RAD50: variants seen among roughly 807,000 people sequenced by gnomAD.
RAD50 encodes DNA repair protein RAD50.
RAD50 carries 132 observed loss-of-function variants against 168.8 expected under a neutral mutation model. The ratio of observed to expected loss-of-function variants is 0.78; its 90% confidence interval spans 0.68 to 0.90. The LOEUF (loss-of-function observed/expected upper bound fraction) is 0.90. Ranked by LOEUF, RAD50 falls within the 40% of genes least tolerant of loss-of-function variation. RAD50 has a pLI of 0.00. For missense variants in RAD50, 1,347 were observed against 1,534.4 expected (o/e 0.88, Z 2.04); for synonymous variants, 525 against 497.4 (o/e 1.06, Z -0.74).
intron 21 of RAD50, among the ~76,000 whole-genome samples, chr5:132,631,630 T>TA (rs1369373328): frequency 6.6e-6 from 1 of 152,218 alleles, no homozygotes; most frequent in Non-Finnish European, 1.5e-5. Flanking sequence ...TTCTGTAAGT[T>TA]ATTTGATGTT....
chr5:132,576,600 G>C (rs1052597305), intron 3 of RAD50, among the ~76,000 whole-genome samples: 1 of 152,124 alleles, frequency 6.6e-6, no homozygotes, highest in Non-Finnish European at 1.5e-5. Context: ...TCTCAAGCAG[G>C]TTTTCATCAT....
At position 132,640,695 on chromosome 5, in the gene RAD50, C is replaced by T. The variant is rs752662569; in HGVS notation, c.3642C>T (p.Arg1214=). The T allele has an allele frequency of 6.8e-6, 11 of 1,614,210 alleles. No homozygotes were observed. Among genetic ancestry groups the T allele is most frequent in the East Asian group, 4.5e-5 (2 of 44,894 alleles). ...AGGTATTAGCCTCACTCATCATTCG[C>T]CTGGCCCTGGCTGAAACGTTCTGCC... The part of the protein sequence containing the change: ...GQKVLASLII[R]LALAETFCLN... Residue 1214 remains arginine, a synonymous_variant, in exon 24 of 25, where the codon CGC becomes CGT. Coordinates refer to ENST00000378823, the MANE Select transcript of RAD50 (RefSeq NM_005732.4).
At chr5:132,629,552 AT>A (rs749388269) in intron 21 of RAD50, among the ~76,000 whole-genome samples, 14 of 152,202 alleles carry the variant, frequency 9.2e-5, no homozygotes, top group Non-Finnish European at 1.3e-4. Flanking sequence ...ATTCTTCTAA[AT>A]GAAAAGAGGT....
intron 2 of RAD50, among the ~76,000 whole-genome samples, chr5:132,573,569 T>C (rs1228987787): frequency 3.9e-5 from 6 of 152,190 alleles, no homozygotes; most frequent in Non-Finnish European, 4.4e-5. Flanking sequence ...CCAAATCTCA[T>C]GTCCTCACAT....
Position 132,634,270 on chromosome 5 carries a change from C to G in RAD50, c.3390-2845C>G, listed in dbSNP as rs141169535. ...TTGTAAAGTTTTACAGCTTTTTCCTCTAGCTCCTATACCCTTTTGTTAGAC... is the reference window on the plus strand; with the variant it reads ...TTGTAAAGTTTTACAGCTTTTTCCTGTAGCTCCTATACCCTTTTGTTAGAC... On this transcript the variant is annotated intron_variant, in intron 21 of 24. Transcript: ENST00000378823. Among the ~76,000 whole-genome samples the G allele has an allele frequency of 1.2e-4, 18 of 152,278 alleles. No individual in the cohort carries two copies. In the East Asian group the frequency reaches 3.3e-3, roughly 28 times the overall value.
rs786202853 is a variant in RAD50, at chr5:132,588,703, A to G, written c.1068A>G (p.Gln356=). ...TTTTAAAAGGTCGTCTACAGCTGCAAGCAGATCGCCATCAAGAACATATCC... is the reference window on the plus strand; with the variant it reads ...TTTTAAAAGGTCGTCTACAGCTGCAGGCAGATCGCCATCAAGAACATATCC... The part of the protein sequence containing the change: ...LLVEQGRLQL[Q]ADRHQEHIRA... Residue 356 remains glutamine, a synonymous_variant, in exon 8 of 25, where the codon CAA becomes CAG. Transcript: ENST00000378823. 6.2e-7 allele frequency: 1 copy of G among 1,613,810 alleles called. No homozygotes were observed. The highest frequency in any genetic ancestry group is 1.3e-5 in the African/African-American group (1 of 74,896).
Position 132,587,913 on chromosome 5 carries a change from G to A in RAD50, c.886-11G>A. 1.2e-6 allele frequency: 2 copies of A among 1,611,314 alleles called. No homozygotes were observed. The highest frequency in any genetic ancestry group is 2.2e-5 in the South Asian group (2 of 90,874). ...TTGTACATTAAAGCTTTTTATTTTG[G>A]TGTTACACAGGTTTTTCAAGGGACT... On this transcript the variant is annotated splice_polypyrimidine_tract_variant and intron_variant, in intron 6 of 24. Coordinates refer to ENST00000378823, the MANE Select transcript of RAD50 (RefSeq NM_005732.4).
intron 5 of RAD50, among the ~76,000 whole-genome samples, chr5:132,586,995 C>G (rs1322711972): frequency 2.0e-5 from 3 of 152,106 alleles, no homozygotes; most frequent in Non-Finnish European, 4.4e-5. Flanking sequence ...AGAGAATGCC[C>G]CGAACCAGAT....
chr5:132,558,449 G>A (rs978851658), intron 1 of RAD50, among the ~76,000 whole-genome samples: 3 of 152,124 alleles, frequency 2.0e-5, no homozygotes, highest in East Asian at 3.8e-4. Context: ...GGTGGCTCAC[G>A]CCTGTAATCC....
At chr5:132,557,716 CAG>C (rs1408234297) in intron 1 of RAD50, among the ~76,000 whole-genome samples, 1 of 152,228 alleles carries the variant, frequency 6.6e-6, no homozygotes, top group Non-Finnish European at 1.5e-5. Context: ...GCCGCTCACT[CAG>C]AGTTCAGTTC....
intron 21 of RAD50, among the ~76,000 whole-genome samples, chr5:132,622,384 C>T (rs140171232): frequency 0.02 from 2,971 of 152,246 alleles, 74 homozygotes; most frequent in African/African-American, 0.061. Context: ...GTCTTGAACT[C>T]CTGGCCTCAA....
chr5:132,606,118 A>G (rs897581924), intron 16 of RAD50, among the ~76,000 whole-genome samples: 2 of 152,188 alleles, frequency 1.3e-5, no homozygotes, highest in African/African-American at 2.4e-5. Flanking sequence ...AAGACAAGAA[A>G]TAACTAAGAT....
intron 21 of RAD50, among the ~76,000 whole-genome samples, chr5:132,619,356 C>T (rs1391476629): frequency 1.3e-5 from 2 of 152,156 alleles, no homozygotes; most frequent in African/African-American, 2.4e-5. Context: ...TTGCCAACCT[C>T]ATAGGTTTAA....
chr5:132,642,156 T>C (rs747083368), intron 24 of RAD50, 22 bp from the exon 25 acceptor site: 2 of 1,607,818 alleles, frequency 1.2e-6, no homozygotes, highest in South Asian at 1.1e-5. Flanking sequence ...ACTAATAATA[T>C]GTTCTGAATA....
chr5:132,608,607 AT>A lies in RAD50; in HGVS notation c.2719-3del, dbSNP rs1751026470. The A allele has an allele frequency of 6.4e-7, 1 of 1,551,438 alleles. No homozygotes were observed. Among genetic ancestry groups the A allele is most frequent in the Non-Finnish European group, 8.7e-7 (1 of 1,144,486 alleles). ...TTATATAATACTTTATCTTTTTTAT[AT>A]TTTTAGGATGCTAAAGAGCAGGTAA... On this transcript the variant is annotated splice_region_variant and splice_polypyrimidine_tract_variant and intron_variant, in intron 16 of 24. Transcript: ENST00000378823.
At chr5:132,561,335 C>T (rs143460673) in intron 2 of RAD50, among the ~76,000 whole-genome samples, 81 of 152,200 alleles carry the variant, frequency 5.3e-4, no homozygotes, top group African/African-American at 1.8e-3. Context: ...GCTGGGATTA[C>T]GGGTGTGCCA....
intron 6 of RAD50, 50 bp downstream of exon 6, chr5:132,587,740 A>C: frequency 6.2e-7 from 1 of 1,610,824 alleles, no homozygotes; most frequent in Non-Finnish European, 8.5e-7. Flanking sequence ...GGATTATTGT[A>C]ATGAACTTTA....
chr5:132,599,630 T>A (rs1750851454), intron 13 of RAD50, among the ~76,000 whole-genome samples: 1 of 152,090 alleles, frequency 6.6e-6, no homozygotes, highest in Non-Finnish European at 1.5e-5. Flanking sequence ...TGATTATAGC[T>A]CATCGAAGCC....
In RAD50 at chr5:132,604,030, G is replaced by T; in HGVS notation, c.2508G>T (p.Gln836His). 6.2e-7 allele frequency: 1 copy of T among 1,613,646 alleles called. No homozygotes were observed. Among genetic ancestry groups the T allele is most frequent in the Non-Finnish European group, 8.5e-7 (1 of 1,179,692 alleles). The stretch of plus-strand genomic sequence containing the variant: ...TCAACCAGGAGAAACAAGAGAAACA[G>T]CACAAGTTAGACACAGGTAATACAG... ...QQVNQEKQEK[Q>H]HKLDTVSSKI... Residue 836 changes from glutamine to histidine, a missense_variant, in exon 15 of 25, where the codon CAG becomes CAT. Gln to His is a conservative substitution (Grantham distance 24). Coordinates refer to ENST00000378823, the MANE Select transcript of RAD50 (RefSeq NM_005732.4).
Sources: gnomAD v4.1 joint callset for allele counts (sites outside exome capture counted in the v4.1 genomes callset) on GRCh38, gnomAD v4.1.1 for gene constraint, MANE v1.5 for transcripts, NCBI Gene and HGNC (gene_info 2026-07-23, HGNC 2026-07-21) for gene names.